Variants in IL1RAPL2 observed in about 807,000 individuals in gnomAD.
IL1RAPL2 encodes interleukin 1 receptor accessory protein like 2, also known as X-linked interleukin-1 receptor accessory protein-like 2.
In IL1RAPL2, 3 loss-of-function variants were observed where a neutral mutation model predicts 44.1. The observed-to-expected ratio is 0.07, with a 90% CI of 0.03 to 0.18. IL1RAPL2 has a LOEUF of 0.18. Ranked by LOEUF, IL1RAPL2 falls within the 10% of genes least tolerant of loss-of-function variation. IL1RAPL2 has a pLI of 1.00. For missense variants in IL1RAPL2, 391 were observed against 496.4 expected (o/e 0.79, Z 2.02); for synonymous variants, 181 against 178.8 (o/e 1.01, Z -0.10).
At chrX:104,989,074 T>C (rs1299795326) in intron 2 of IL1RAPL2, among the ~76,000 whole-genome samples, 1 of 111,603 alleles carries the variant, frequency 9.0e-6, no homozygotes, top group East Asian at 2.8e-4. Flanking sequence ...AAGCCTGGGG[T>C]AACCTTTGAG....
intron 6 of IL1RAPL2, among the ~76,000 whole-genome samples, chrX:105,552,556 G>C (rs961721589): frequency 1.8e-5 from 2 of 111,978 alleles, no homozygotes; most frequent in African/African-American, 6.5e-5. Flanking sequence ...GAGTGGAAAT[G>C]ATGTAAGCTA....
intron 2 of IL1RAPL2, among the ~76,000 whole-genome samples, chrX:104,849,371 T>TATATATATATATATATATA (rs1298461170): frequency 2.9e-4 from 28 of 96,270 alleles, no homozygotes; most frequent in African/African-American, 4.2e-4. Flanking sequence ...TATATATGGA[T>TATATATATATATATATATA]TACTTACGGA....
intron 2 of IL1RAPL2, among the ~76,000 whole-genome samples, chrX:104,697,744 A>T (rs888125193): frequency 8.9e-6 from 1 of 112,316 alleles, no homozygotes; most frequent in Non-Finnish European, 1.9e-5. Flanking sequence ...CTGGGCTGTC[A>T]TGAGAACATA....
In IL1RAPL2 at chrX:104,744,823, TATAA is replaced by T. The variant is rs750959448; in HGVS notation, c.82+85837_82+85840del. Among the ~76,000 whole-genome samples the T allele has an allele frequency of 5.4e-3, 598 of 111,199 alleles. 4 individuals are homozygous for T. The highest frequency in any genetic ancestry group is 0.023 in the South Asian group (62 of 2,671). On this transcript the variant is annotated intron_variant, in intron 2 of 10. Coordinates refer to ENST00000372582, the MANE Select transcript of IL1RAPL2 (RefSeq NM_017416.2). ...GAAAGTAGGCAAGTTATCAGTTATA[TATAA>T]ATAAATAAGACAATATATGTGGAAT...
At chrX:104,939,755 A>G (rs1346560099) in intron 2 of IL1RAPL2, among the ~76,000 whole-genome samples, 1 of 111,846 alleles carries the variant, frequency 8.9e-6, no homozygotes, top group Non-Finnish European at 1.9e-5. Context: ...ATGGAATATT[A>G]TTGGTCCATT....
chrX:105,700,751 T>A (rs190673990), intron 6 of IL1RAPL2, among the ~76,000 whole-genome samples: 172 of 112,171 alleles, frequency 1.5e-3, no homozygotes, highest in African/African-American at 5.3e-3. Flanking sequence ...TTCATTATTT[T>A]ACTACCCCTT....
At chrX:104,679,142 C>T (rs1478932114) in intron 2 of IL1RAPL2, among the ~76,000 whole-genome samples, 1 of 110,985 alleles carries the variant, frequency 9.0e-6, no homozygotes, top group Non-Finnish European at 1.9e-5. Flanking sequence ...GTTTAAAATC[C>T]ACTACCCGTT....
At chrX:105,080,298 C>A (rs755947180) in intron 2 of IL1RAPL2, among the ~76,000 whole-genome samples, 2 of 111,987 alleles carry the variant, frequency 1.8e-5, no homozygotes, top group Admixed American at 9.5e-5. Context: ...TTTGCCCATG[C>A]CAATGTCCTG....
At chrX:105,499,599 T>A (rs2036378871) in intron 6 of IL1RAPL2, among the ~76,000 whole-genome samples, 1 of 112,088 alleles carries the variant, frequency 8.9e-6, no homozygotes. Context: ...GCATAGACAT[T>A]TCTCAAAGAA....
chrX:105,488,433 G>A (rs2036286345), intron 6 of IL1RAPL2, among the ~76,000 whole-genome samples: 1 of 112,012 alleles, frequency 8.9e-6, no homozygotes, highest in African/African-American at 3.2e-5. Context: ...GGATCCTCCA[G>A]CCCTAGCTTC....
At chrX:105,056,142 T>C (rs747655510) in intron 2 of IL1RAPL2, among the ~76,000 whole-genome samples, 8 of 111,980 alleles carry the variant, frequency 7.1e-5, no homozygotes, top group Non-Finnish European at 1.3e-4. Context: ...TGAATATATG[T>C]AGCTCCAACT....
intron 2 of IL1RAPL2, among the ~76,000 whole-genome samples, chrX:104,893,161 G>T (rs1424682395): frequency 8.9e-6 from 1 of 111,975 alleles, no homozygotes; most frequent in Non-Finnish European, 1.9e-5. Context: ...GAGACAGTTT[G>T]TTATAATTTC....
At chrX:104,917,485 A>T (rs901330768) in intron 2 of IL1RAPL2, among the ~76,000 whole-genome samples, 6 of 111,511 alleles carry the variant, frequency 5.4e-5, no homozygotes, top group African/African-American at 2.0e-4. Context: ...GATTTGATTT[A>T]AAAAAAACCT....
chrX:105,634,957 C>G (rs2037514064), intron 6 of IL1RAPL2, among the ~76,000 whole-genome samples: 1 of 111,497 alleles, frequency 9.0e-6, no homozygotes, highest in Non-Finnish European at 1.9e-5. Flanking sequence ...CATGGTCACA[C>G]AGCTAGAAAG....
intron 5 of IL1RAPL2, among the ~76,000 whole-genome samples, chrX:105,386,101 G>A (rs936120719): frequency 9.0e-6 from 1 of 111,325 alleles, no homozygotes; most frequent in Non-Finnish European, 1.9e-5. Context: ...TGCCTTCAAA[G>A]GAAGAAAATT....
At chrX:104,687,675 G>C (rs1295251122) in intron 2 of IL1RAPL2, among the ~76,000 whole-genome samples, 3 of 111,290 alleles carry the variant, frequency 2.7e-5, no homozygotes, top group Non-Finnish European at 5.7e-5. Flanking sequence ...TTGGAAATTG[G>C]ATCAAATTTC....
At chrX:105,085,668 G>A (rs955774383) in intron 2 of IL1RAPL2, among the ~76,000 whole-genome samples, 3 of 111,539 alleles carry the variant, frequency 2.7e-5, no homozygotes, top group Non-Finnish European at 5.6e-5. Context: ...TTCCATTCCT[G>A]GGTATACAGT....
At chrX:105,521,880 C>A (rs773666114) in intron 6 of IL1RAPL2, among the ~76,000 whole-genome samples, 1 of 112,370 alleles carries the variant, frequency 8.9e-6, no homozygotes, top group Non-Finnish European at 1.9e-5. Context: ...TGTATAACTA[C>A]TACCCACTGG....
intron 4 of IL1RAPL2, among the ~76,000 whole-genome samples, chrX:105,257,531 G>T (rs2147650705): frequency 8.9e-6 from 1 of 111,801 alleles, no homozygotes; most frequent in South Asian, 3.7e-4. Context: ...ATACTCAGTG[G>T]GGTGTTGAAG....
Sources: allele counts gnomAD v4.1 joint callset (sites outside exome capture counted in the v4.1 genomes callset), GRCh38; gene constraint gnomAD v4.1.1; transcripts MANE v1.5; gene names NCBI Gene and HGNC (gene_info 2026-07-23, HGNC 2026-07-21).